The following ADGRL3 variants were observed in gnomAD, a reference collection of about 807,000 sequenced individuals.
ADGRL3 encodes adhesion G protein-coupled receptor L3, also known as calcium-independent alpha-latrotoxin receptor 3.
ADGRL3 carries 62 observed loss-of-function variants against 153.5 expected under a neutral mutation model. That is an observed-to-expected ratio of 0.40 (90% CI 0.33 to 0.50). The LOEUF (loss-of-function observed/expected upper bound fraction) is 0.50. Among genes scored for constraint, ADGRL3 ranks in the 20% least tolerant of loss-of-function variants. ADGRL3 has a pLI of 0.47. For missense variants in ADGRL3, 1,641 were observed against 1,859.4 expected (o/e 0.88, Z 2.16); for synonymous variants, 710 against 672.5 (o/e 1.06, Z -0.86).
At chr4:62,013,582 A>G (rs868829534) in intron 21 of ADGRL3, among the ~76,000 whole-genome samples, 3 of 151,804 alleles carry the variant, frequency 2.0e-5, no homozygotes, top group African/African-American at 7.3e-5. Flanking sequence ...ATTTGTTGTT[A>G]TGAATTTAAC....
At chr4:61,561,840 A>C (rs992165918) in intron 4 of ADGRL3, among the ~76,000 whole-genome samples, 5 of 152,000 alleles carry the variant, frequency 3.3e-5, no homozygotes, top group Admixed American at 6.6e-5. Flanking sequence ...AGTCCTCACT[A>C]TGTTGCCCAA....
At chr4:61,610,264 A>C (rs2099047980) in intron 5 of ADGRL3, among the ~76,000 whole-genome samples, 1 of 151,990 alleles carries the variant, frequency 6.6e-6, no homozygotes, top group Non-Finnish European at 1.5e-5. Context: ...CTTCCAGTCA[A>C]GTGTCACATT....
chr4:61,830,355 T>C (rs1274524148), intron 9 of ADGRL3, among the ~76,000 whole-genome samples: 1 of 152,116 alleles, frequency 6.6e-6, no homozygotes, highest in Admixed American at 6.6e-5. Flanking sequence ...CAGAGTGAGA[T>C]GAGACCTTCT....
intron 5 of ADGRL3, among the ~76,000 whole-genome samples, chr4:61,593,408 A>G (rs2098977304): frequency 6.6e-6 from 1 of 150,708 alleles, no homozygotes; most frequent in African/African-American, 2.4e-5. Context: ...CCTTCAGGTG[A>G]TTTCTTATTG....
chr4:61,608,681 T>A (rs2099042171), intron 5 of ADGRL3, among the ~76,000 whole-genome samples: 2 of 152,360 alleles, frequency 1.3e-5, no homozygotes, highest in South Asian at 4.1e-4. Flanking sequence ...TTTCTAAATA[T>A]GTCTCTGTTT....
At chr4:61,897,146 G>T (rs2098636415) in intron 11 of ADGRL3, among the ~76,000 whole-genome samples, 1 of 152,060 alleles carries the variant, frequency 6.6e-6, no homozygotes, top group Admixed American at 6.6e-5. Flanking sequence ...GACAGCTGTT[G>T]TCCATCTGAT....
chr4:61,308,033 G>A (rs896277098), intron 1 of ADGRL3, among the ~76,000 whole-genome samples: 14 of 152,108 alleles, frequency 9.2e-5, no homozygotes, highest in African/African-American at 3.4e-4. Flanking sequence ...GGAAGAAGCT[G>A]GAGAATAAAG....
intron 11 of ADGRL3, among the ~76,000 whole-genome samples, chr4:61,909,020 G>A (rs1199252897): frequency 6.6e-6 from 1 of 152,132 alleles, no homozygotes; most frequent in Non-Finnish European, 1.5e-5. Context: ...GCAATAGTTT[G>A]CTACCCAGCA....
chr4:61,640,701 T>G (rs2150158054), intron 5 of ADGRL3, among the ~76,000 whole-genome samples: 1 of 152,310 alleles, frequency 6.6e-6, no homozygotes, highest in Admixed American at 6.5e-5. Context: ...AAAACTCTAT[T>G]GACTTCCACC....
At chr4:61,828,724 G>A (rs1222649453) in intron 9 of ADGRL3, among the ~76,000 whole-genome samples, 1 of 152,092 alleles carries the variant, frequency 6.6e-6, no homozygotes, top group African/African-American at 2.4e-5. Context: ...GAAAACATTG[G>A]TGAAATTTGC....
chr4:61,940,095 C>A (rs1207452531), intron 15 of ADGRL3, among the ~76,000 whole-genome samples: 1 of 108,552 alleles, frequency 9.2e-6, no homozygotes, highest in East Asian at 3.1e-4. Flanking sequence ...CCGACCCCAC[C>A]ACAGTCCCCA....
chr4:61,439,903 A>G (rs72636149), intron 2 of ADGRL3, among the ~76,000 whole-genome samples: 25,670 of 152,166 alleles, frequency 0.17, 2,312 homozygotes, highest in Middle Eastern at 0.26. Flanking sequence ...ACATGTACAC[A>G]TGGATACACA....
chr4:61,683,842 C>G (rs931351030), intron 6 of ADGRL3, among the ~76,000 whole-genome samples: 4 of 152,150 alleles, frequency 2.6e-5, no homozygotes, highest in African/African-American at 9.7e-5. Flanking sequence ...TTTGACCAGG[C>G]TGGTCTCGAA....
intron 15 of ADGRL3, among the ~76,000 whole-genome samples, chr4:61,936,918 A>G (rs78866405): frequency 6.6e-6 from 1 of 152,114 alleles, no homozygotes; most frequent in African/African-American, 2.4e-5. Flanking sequence ...AATATTTCAT[A>G]TTGCAGGGTG....
chr4:61,675,459 C>T (rs954576702), intron 5 of ADGRL3, among the ~76,000 whole-genome samples: 6 of 151,648 alleles, frequency 4.0e-5, no homozygotes, highest in African/African-American at 7.3e-5. Context: ...GAATTTAGAA[C>T]GTTTCTGAGT....
chr4:61,202,134 GT>G lies in ADGRL3; in HGVS notation c.-240+370del. On this transcript the variant is annotated intron_variant, in intron 1 of 26. Transcript: ENST00000683033. The surrounding 1 kb of genome is among the most constrained non-coding windows in gnomAD (Gnocchi z 5.0). ...CCTCTCACCCCAGTGGCATCCCCTG[GT>G]GGGGGCAGAAAGCGGACAGGAGGGC... is the stretch of plus-strand genomic sequence containing the variant. 1 of 153,096 alleles carries G rather than the reference GT, an allele frequency of 6.5e-6. No homozygotes were observed. Among genetic ancestry groups the G allele is most frequent in the Admixed American group, 6.5e-5 (1 of 15,310 alleles). The allele number at this position is 153,096 out of a possible 1,614,324, so 9.5% of individuals were successfully genotyped here.
At chr4:61,289,866 G>T (rs138546914) in intron 1 of ADGRL3, among the ~76,000 whole-genome samples, 9 of 152,114 alleles carry the variant, frequency 5.9e-5, no homozygotes, top group Non-Finnish European at 1.0e-4. Context: ...GGTTCCTCAG[G>T]TTACTCTTCT....
At chr4:61,638,443 C>T (rs2093523468) in intron 5 of ADGRL3, among the ~76,000 whole-genome samples, 2 of 152,162 alleles carry the variant, frequency 1.3e-5, no homozygotes, top group South Asian at 4.1e-4. Flanking sequence ...TGAATCTAGG[C>T]ATTTGTCAAA....
At chr4:61,624,750 T>A (rs1190916567) in intron 5 of ADGRL3, among the ~76,000 whole-genome samples, 1 of 152,084 alleles carries the variant, frequency 6.6e-6, no homozygotes, top group African/African-American at 2.4e-5. Context: ...ATGCTTTGAA[T>A]CTAATGGATA....
Sources: gnomAD v4.1 joint callset for allele counts (sites outside exome capture counted in the v4.1 genomes callset) on GRCh38, gnomAD v4.1.1 for gene constraint, Gnocchi (gnomAD v3.1) non-coding constraint, MANE v1.5 for transcripts, NCBI Gene and HGNC (gene_info 2026-07-23, HGNC 2026-07-21) for gene names.